The following BRD2 variants were observed in gnomAD, a reference collection of about 807,000 sequenced individuals.
BRD2 encodes bromodomain-containing protein 2.
A neutral mutation model predicts 79.1 loss-of-function variants in BRD2; 15 were observed. The ratio of observed to expected loss-of-function variants is 0.19; its 90% CI spans 0.13 to 0.29. The LOEUF is 0.29. Among genes scored for constraint, BRD2 ranks in the 10% least tolerant of loss-of-function variants. BRD2 has a pLI of 1.00. For missense variants in BRD2, 1,053 were observed against 991.3 expected, an observed-to-expected ratio of 1.06 and a Z score of -0.84; for synonymous variants, 488 against 358.6, an observed-to-expected ratio of 1.36 and a Z score of -4.08.
chr6:32,974,904 C>G (rs753072510), intron 3 of BRD2, 139 bp downstream of exon 3: 4 of 1,390,198 alleles, frequency 2.9e-6, no homozygotes, highest in Admixed American at 2.1e-5. Flanking sequence ...TACCAGATTT[C>G]TGGGTATCTT....
Position 32,972,854 on chromosome 6 carries a change from C to T in BRD2, c.-45C>T, listed in dbSNP as rs763892067. ...GGCGGTGAGGGGAACCGAGGCCACC[C>T]GGACTTTCCGCGGCTGAGGGCAGCG... is the stretch of plus-strand genomic sequence containing the variant. On this transcript the variant is annotated 5_prime_UTR_variant, in exon 2 of 13. Transcript: ENST00000374825. The T allele has an allele frequency of 1.4e-5, 23 of 1,613,642 alleles. No homozygotes were observed. In the South Asian group the frequency reaches 2.2e-4, roughly 15 times the overall value.
intron 1 of BRD2, 118 bp downstream of exon 1, chr6:32,969,174 C>T (rs1777722581): frequency 3.6e-6 from 2 of 553,554 alleles, no homozygotes; most frequent in South Asian, 2.2e-5. Context: ...AAGATTTGTC[C>T]TTCAAACCTT....
At position 32,974,585 on chromosome 6, in the gene BRD2, G is replaced by A. The variant is rs1407530386; in HGVS notation, c.153G>A (p.Val51=). 6.2e-6 allele frequency: 10 copies of A among 1,614,228 alleles called. No individual in the cohort carries two copies. The South Asian group carries it at 8.8e-5, about 14-fold the overall frequency. ...TTGAGAGCCCCACAATGGCTTCGGT[G>A]CCTGCTTTGCAACTTACCCCTGCCA... ...EGFESPTMAS[V]PALQLTPANP... is the part of the protein sequence containing the mutation. Residue 51 remains valine (V), a synonymous_variant, in exon 3 of 13, where the codon GTG becomes GTA. Transcript: ENST00000374825.
At chr6:32,970,124 T>C (rs683208) in intron 1 of BRD2, 47,665 of 152,238 alleles carry the variant, frequency 0.31, 8,055 homozygotes, top group Middle Eastern at 0.37. Flanking sequence ...TAAGTTTTTA[T>C]TCCATGGCCG....
chr6:32,979,858 A>G lies in BRD2; in HGVS notation c.1872A>G (p.Pro624=). The G allele has an allele frequency of 3.1e-6, 5 of 1,612,760 alleles. No homozygotes were observed. The highest frequency in any genetic ancestry group is 4.2e-6 in the Non-Finnish European group (5 of 1,179,822). Reference sequence around the variant, plus strand: ...CCAAAAAGGCCACAAAGACAGCCCCACCTGCCCTGCCTACAGGTTATGATT... The same window carrying G: ...CCAAAAAGGCCACAAAGACAGCCCCGCCTGCCCTGCCTACAGGTTATGATT... ...KLPKKATKTA[P]PALPTGYDSE... is the part of the protein sequence containing the mutation. The change falls in exon 11 of 13, where the codon CCA becomes CCG. Residue 624 remains proline, a synonymous_variant. Transcript: ENST00000374825.
In BRD2 at chr6:32,975,513, TACA is replaced by T. The variant is rs1778621908; in HGVS notation, c.468_470del (p.Asn156del). 6.2e-7 allele frequency: 1 copy of T among 1,611,424 alleles called. No individual in the cohort carries two copies. The highest frequency in any genetic ancestry group is 8.5e-7 in the Non-Finnish European group (1 of 1,179,584). Reference sequence around the variant, plus strand: ...TACCATGTTCACCAACTGTTACATTTACAACAAGGTGAGTTTTTCTGTGTGTTC... The same window carrying T: ...TACCATGTTCACCAACTGTTACATTTACAAGGTGAGTTTTTCTGTGTGTTC... On this transcript the variant is annotated inframe_deletion, in exon 4 of 13. Coordinates refer to ENST00000374825, the MANE Select transcript of BRD2 (RefSeq NM_005104.4).
At chr6:32,969,430 C>G in intron 1 of BRD2, 4 of 705,906 alleles carry the variant, frequency 5.7e-6, no homozygotes, top group Non-Finnish European at 1.1e-5. Context: ...GGCCCCTACC[C>G]GTGGATGTGA....
chr6:32,977,646 C>A, intron 8 of BRD2, 76 bp downstream of exon 8: 2 of 1,601,938 alleles, frequency 1.2e-6, no homozygotes, highest in South Asian at 2.2e-5. Flanking sequence ...ATAGCCTCAA[C>A]GTGAGGGTCT....
rs942757392 is a variant in BRD2 at position 32,972,665 on chromosome 6, C to T, written c.-234C>T. 1 of 619,518 alleles carries T rather than the reference C, an allele frequency of 1.6e-6. No homozygotes were observed. Among genetic ancestry groups the T allele is most frequent in the Non-Finnish European group, 2.8e-6 (1 of 354,020 alleles). The allele number at this position is 619,518 out of a possible 1,614,324, so 38.4% of individuals were successfully genotyped here. ...TAGTTGCCCGCCTCAGCTGAGGCCG[C>T]CGCCATTTTCTTGCTGTCCGCCGTC... On this transcript the variant is annotated 5_prime_UTR_variant, in exon 2 of 13. Coordinates refer to ENST00000374825, the MANE Select transcript of BRD2 (RefSeq NM_005104.4).
intron 3 of BRD2, 26 bp downstream of exon 3, chr6:32,974,791 A>G (rs748434859): frequency 6.2e-7 from 1 of 1,605,616 alleles, no homozygotes; most frequent in South Asian, 1.1e-5. Flanking sequence ...GGAGCCGGGG[A>G]GGTGTGGGAT....
rs1367475864 is a variant in BRD2 at position 32,976,929 on chromosome 6, C to A, written c.1193C>A (p.Thr398Asn). The A allele has an allele frequency of 1.2e-6, 2 of 1,609,314 alleles. No individual in the cohort carries two copies. Among genetic ancestry groups the A allele is most frequent in the African/African-American group, 1.3e-5 (1 of 74,900 alleles). Residue 398 changes from threonine to asparagine, a missense_variant, in exon 7 of 13, where the codon ACT (threonine) becomes AAT (asparagine). Physicochemically the swap from Thr to Asn is moderately conservative, Grantham distance 65. Around this residue, in one of 5 missense-constraint regions of BRD2, gnomAD observed 454 missense variants for 430.5 expected, o/e 1.05. Transcript: ENST00000374825. The stretch of plus-strand genomic sequence containing the variant: ...ATTAAGCACCCCATGGACCTCAGCA[C>A]TGTCAAGGTACCCACTGCATGGGGC... The part of the protein sequence containing the change: ...DIIKHPMDLS[T>N]VKRKMENRDY...
chr6:32,980,328 A>G lies in BRD2; in HGVS notation c.2147-14A>G, dbSNP rs1369669734. Reference sequence around the variant, plus strand: ...GGGCAATCTTAATGTATCCTGATAAATTTCTTTCATTAGCCATTAAGAAGC... The same window carrying G: ...GGGCAATCTTAATGTATCCTGATAAGTTTCTTTCATTAGCCATTAAGAAGC... On this transcript the variant is annotated splice_polypyrimidine_tract_variant and intron_variant, in intron 11 of 12. Coordinates refer to ENST00000374825, the MANE Select transcript of BRD2 (RefSeq NM_005104.4). 1.2e-6 allele frequency: 2 copies of G among 1,612,356 alleles called. No individual in the cohort carries two copies. The highest frequency in any genetic ancestry group is 1.1e-5 in the South Asian group (1 of 91,006).
chr6:32,971,941 G>A lies in BRD2; in HGVS notation c.-958G>A, dbSNP rs769018054. 37 of 702,734 alleles carry A rather than the reference G, an allele frequency of 5.3e-5. No homozygotes were observed. The highest frequency in any genetic ancestry group is 9.6e-5 in the Non-Finnish European group (37 of 384,998). The allele number at this position is 702,734 out of a possible 1,614,324, so 43.5% of individuals were successfully genotyped here. A position where few individuals can be genotyped will look rare whatever the true frequency, so the allele number is the denominator to read the frequency against. ...AGATGTGGCGGGTTGCCACTTCCCT[G>A]TGGGTCTCTGCGGCACTCTTCTGCC... On this transcript the variant is annotated 5_prime_UTR_variant, in exon 2 of 13. In the 5' UTR this introduces an upstream ATG that the reference lacks. Coordinates refer to ENST00000374825, the MANE Select transcript of BRD2 (RefSeq NM_005104.4).
At position 32,981,066 on chromosome 6, in the gene BRD2, T is replaced by C. The variant is rs1349854595; in HGVS notation, c.*348T>C. 1 of 223,508 alleles carries C rather than the reference T, an allele frequency of 4.5e-6. No homozygotes were observed. The highest frequency in any genetic ancestry group is 2.2e-5 in the African/African-American group (1 of 44,574). 13.8% of individuals were successfully genotyped at this position (223,508 alleles called of 1,614,324 possible). ...ACTTCTAAGGGCCCTGTTTTGAGAT[T>C]GTTTGTTCTAATTTATTTTAAGCTA... On this transcript the variant is annotated 3_prime_UTR_variant, in exon 13 of 13. Coordinates refer to ENST00000374825, the MANE Select transcript of BRD2 (RefSeq NM_005104.4).
chr6:32,973,133 G>A (rs1227980118), intron 2 of BRD2: 3 of 1,550,534 alleles, frequency 1.9e-6, no homozygotes, highest in Non-Finnish European at 2.6e-6. Context: ...AATACAGGTT[G>A]TCAATTTATA....
chr6:32,980,757 C>G lies in BRD2; in HGVS notation c.*39C>G. ...ATGGGGCAGGAAGGCTCCGCAGGAC[C>G]GGACCCCTAGACCACCCTGCCCCAC... On this transcript the variant is annotated 3_prime_UTR_variant, in exon 13 of 13. Transcript: ENST00000374825. 1.2e-6 allele frequency: 2 copies of G among 1,609,824 alleles called. No homozygotes were observed. The highest frequency in any genetic ancestry group is 1.7e-6 in the Non-Finnish European group (2 of 1,179,308).
intron 1 of BRD2, chr6:32,970,370 G>C (rs1368398609): frequency 6.6e-6 from 1 of 152,384 alleles, no homozygotes; most frequent in Non-Finnish European, 1.5e-5. Flanking sequence ...CCCTCCCGGG[G>C]TTTGCCCTAC....
intron 1 of BRD2, chr6:32,970,321 G>A (rs1310260322): frequency 6.6e-6 from 1 of 152,352 alleles, no homozygotes; most frequent in Non-Finnish European, 1.5e-5. Flanking sequence ...CCTGGCTGGG[G>A]GAAGGGGACT....
rs1054623729 is a variant in BRD2, at chr6:32,972,752, C to G, written c.-147C>G. ...GGCCCCAAAGAGACTGCTTTCGTGC[C>G]GGCCAGGCAGGGGGTTTGTCGCCTG... On this transcript the variant is annotated 5_prime_UTR_variant, in exon 2 of 13. Transcript: ENST00000374825. 1 of 1,246,772 alleles carries G rather than the reference C, an allele frequency of 8.0e-7. No individual in the cohort carries two copies. Among genetic ancestry groups the G allele is most frequent in the South Asian group, 1.3e-5 (1 of 79,012 alleles). The allele number at this position is 1,246,772 out of a possible 1,614,324, so 77.2% of individuals were successfully genotyped here. A position where few individuals can be genotyped will look rare whatever the true frequency, so the allele number is the denominator to read the frequency against.
Sources: allele counts gnomAD v4.1 joint callset, GRCh38; gene constraint gnomAD v4.1.1; regional missense constraint gnomAD v4.1.1; transcripts MANE v1.5; gene names NCBI Gene and HGNC (gene_info 2026-07-23, HGNC 2026-07-21).